Variants in MYH10 observed in about 807,000 individuals in gnomAD.
MYH10 encodes myosin heavy chain 10.
MYH10 carries 55 observed loss-of-function variants against 257.8 expected under a neutral mutation model. That is an observed-to-expected ratio of 0.21 (90% confidence interval 0.17 to 0.27). The LOEUF is 0.27. Ranked by LOEUF, MYH10 falls within the 10% of genes least tolerant of loss-of-function variation. MYH10 has a pLI of 1.00. For synonymous variants in MYH10, 854 were observed against 921.7 expected (o/e 0.93, Z 1.33); for missense variants, 1,631 against 2,500.6 (o/e 0.65, Z 7.42).
intron 12 of MYH10, 67 bp downstream of exon 12, chr17:8,546,477 C>G: frequency 7.7e-7 from 1 of 1,295,746 alleles, no homozygotes; most frequent in East Asian, 2.3e-5. Flanking sequence ...ACATGTCAAT[C>G]AGAAGGCCAA....
chr17:8,604,402 T>A (rs1176130098), intron 3 of MYH10, among the ~76,000 whole-genome samples: 1 of 152,226 alleles, frequency 6.6e-6, no homozygotes, highest in East Asian at 1.9e-4. Context: ...ACATGCTTTT[T>A]AACTTTTATT....
intron 2 of MYH10, among the ~76,000 whole-genome samples, chr17:8,614,307 CTTT>C (rs35801623): frequency 1.3e-5 from 1 of 77,122 alleles, no homozygotes; most frequent in Non-Finnish European, 2.5e-5. Context: ...CAATTCACTT[CTTT>C]TTTTTTTTTT....
At chr17:8,624,023 T>C (rs1221581298) in intron 1 of MYH10, among the ~76,000 whole-genome samples, 2 of 152,210 alleles carry the variant, frequency 1.3e-5, no homozygotes, top group Non-Finnish European at 2.9e-5. Flanking sequence ...AACATGCTGC[T>C]TGTCTTCCCT....
At chr17:8,513,439 G>C in intron 23 of MYH10, 99 bp downstream of exon 23, 1 of 1,506,782 alleles carries the variant, frequency 6.6e-7, no homozygotes, top group Non-Finnish European at 8.8e-7. Context: ...TGATATGGTG[G>C]GTACAGCTAT....
At chr17:8,614,870 A>G (rs1379277143) in intron 2 of MYH10, among the ~76,000 whole-genome samples, 1 of 152,230 alleles carries the variant, frequency 6.6e-6, no homozygotes, top group East Asian at 1.9e-4. Flanking sequence ...CAAATAAGTT[A>G]TCAGTATCAG....
In MYH10 at chr17:8,480,741, C is replaced by T. The variant is rs1913606191; in HGVS notation, c.5265-216G>A. 13 of 623,302 alleles carry T rather than the reference C, an allele frequency of 2.1e-5. No homozygotes were observed. In the South Asian group the frequency reaches 2.3e-4, roughly 11 times the overall value. 38.6% of individuals were successfully genotyped at this position (623,302 alleles called of 1,614,324 possible). A position where few individuals can be genotyped will look rare whatever the true frequency, so the allele number is the denominator to read the frequency against. On this transcript the variant is annotated intron_variant, in intron 38 of 42. Transcript: ENST00000360416. Reference sequence around the variant, plus strand: ...TGCCACCACCCAGATGCAGGCCTGTCATCTCTCACCTGGACTGCTGGGTGG... The same window carrying T: ...TGCCACCACCCAGATGCAGGCCTGTTATCTCTCACCTGGACTGCTGGGTGG...
chr17:8,541,014 T>C lies in MYH10; in HGVS notation c.1605+1093A>G, dbSNP rs2082275445. ...ACTTGAAAGGTAAAATGATTTCTTATGTATTATAAAAGCCAAATGAAAATT... is the reference window on the plus strand; with the variant it reads ...ACTTGAAAGGTAAAATGATTTCTTACGTATTATAAAAGCCAAATGAAAATT... On this transcript the variant is annotated intron_variant, in intron 14 of 42. Transcript: ENST00000360416. Among the ~76,000 whole-genome samples, 3 of 152,260 alleles carry C rather than the reference T, an allele frequency of 2.0e-5. No homozygotes were observed. In the South Asian group the frequency reaches 6.2e-4, roughly 31 times the overall value.
At chr17:8,616,031 C>G (rs552259408) in intron 2 of MYH10, among the ~76,000 whole-genome samples, 52 of 152,358 alleles carry the variant, frequency 3.4e-4, no homozygotes, top group Admixed American at 9.1e-4. Flanking sequence ...CGCCTATAAT[C>G]CCAACACTTT....
At chr17:8,602,388 T>C (rs2084644741) in intron 3 of MYH10, among the ~76,000 whole-genome samples, 1 of 152,328 alleles carries the variant, frequency 6.6e-6, no homozygotes, top group South Asian at 2.1e-4. Flanking sequence ...TTGGTCAGGC[T>C]ACTGATCCTC....
At chr17:8,594,594 A>C (rs1466899272) in intron 3 of MYH10, among the ~76,000 whole-genome samples, 1 of 152,186 alleles carries the variant, frequency 6.6e-6, no homozygotes, top group Non-Finnish European at 1.5e-5. Context: ...GACTCAAATG[A>C]AATGAAAACT....
chr17:8,608,418 C>G (rs1210387639), intron 2 of MYH10, among the ~76,000 whole-genome samples: 2 of 152,132 alleles, frequency 1.3e-5, no homozygotes, highest in East Asian at 1.9e-4. Flanking sequence ...CATTAAAGAC[C>G]GAAGTCAAAG....
At chr17:8,576,614 G>T in intron 6 of MYH10, 29 bp downstream of exon 6, 1 of 1,546,512 alleles carries the variant, frequency 6.5e-7, no homozygotes, top group Non-Finnish European at 8.7e-7. Context: ...AAACACTCAA[G>T]ACTAAGAAGC....
intron 7 of MYH10, chr17:8,560,612 GT>G: frequency 1.1e-6 from 1 of 902,582 alleles, no homozygotes; most frequent in Non-Finnish European, 1.7e-6. Flanking sequence ...AAAGGATTTG[GT>G]TATAAGGGTT....
intron 40 of MYH10, among the ~76,000 whole-genome samples, chr17:8,478,790 G>A (rs987479886): frequency 6.6e-6 from 1 of 152,216 alleles, no homozygotes; most frequent in Non-Finnish European, 1.5e-5. Flanking sequence ...GGGTGCAGTG[G>A]CGCCATCTCT....
Position 8,481,425 on chromosome 17 carries a change from C to G in MYH10, c.5176-15G>C. 1 of 1,612,044 alleles carries G rather than the reference C, an allele frequency of 6.2e-7. No individual in the cohort carries two copies. On this transcript the variant is annotated splice_polypyrimidine_tract_variant and intron_variant, in intron 37 of 42. Transcript: ENST00000360416. ...GAGGCAAGTTCCTAAGCAGTGGAGA[C>G]TGCGTTAAGCTCTGGCTGTGAATAG...
At chr17:8,594,871 C>T (rs1300399023) in intron 3 of MYH10, among the ~76,000 whole-genome samples, 1 of 152,112 alleles carries the variant, frequency 6.6e-6, no homozygotes, top group Non-Finnish European at 1.5e-5. Context: ...ATGAAAAGAA[C>T]AAAAGTCTGT....
At chr17:8,589,455 C>CAGGAA (rs1171161195) in intron 3 of MYH10, among the ~76,000 whole-genome samples, 1 of 152,128 alleles carries the variant, frequency 6.6e-6, no homozygotes, top group African/African-American at 2.4e-5. Flanking sequence ...CCTGGCACTC[C>CAGGAA]ACCTCACTAA....
At chr17:8,484,001 G>T in intron 37 of MYH10, 137 bp downstream of exon 37, 1 of 718,382 alleles carries the variant, frequency 1.4e-6, no homozygotes. Context: ...TATTAAAAAT[G>T]GATACTTAAA....
At chr17:8,577,692 C>T (rs1279494491) in intron 4 of MYH10, among the ~76,000 whole-genome samples, 4 of 152,204 alleles carry the variant, frequency 2.6e-5, no homozygotes, top group East Asian at 1.9e-4. Context: ...CCACCATGCC[C>T]GGCTAATTCT....
Sources: gnomAD v4.1 joint callset for allele counts (sites outside exome capture counted in the v4.1 genomes callset) on GRCh38, gnomAD v4.1.1 for gene constraint, MANE v1.5 for transcripts, NCBI Gene and HGNC (gene_info 2026-07-23, HGNC 2026-07-21) for gene names.